CABP5: variants seen among roughly 807,000 people sequenced by gnomAD.
CABP5 encodes the protein calcium binding protein 5, also known as calcium-binding protein 5.
In CABP5, 17 loss-of-function variants were observed where a neutral mutation model predicts 21.9. The observed-to-expected ratio is 0.78, with a 90% CI of 0.53 to 1.17. The LOEUF (loss-of-function observed/expected upper bound fraction) is 1.17, where lower values mean the gene tolerates loss of function less well. CABP5 is among the 50% of genes most tolerant of loss of function. The pLI is 0.00. For missense variants in CABP5, 229 were observed against 228.9 expected (o/e 1.00, Z 0.00); for synonymous variants, 85 against 79.4 (o/e 1.07, Z -0.37).
intron 4 of CABP5, among the ~76,000 whole-genome samples, chr19:48,038,305 C>G (rs1287297373): frequency 6.6e-6 from 1 of 152,118 alleles, no homozygotes; most frequent in Non-Finnish European, 1.5e-5. Context: ...TTGCCTGGTT[C>G]CAAATCCTTT....
chr19:48,036,523 G>A (rs1967410442), intron 4 of CABP5, among the ~76,000 whole-genome samples: 1 of 152,212 alleles, frequency 6.6e-6, no homozygotes, highest in African/African-American at 2.4e-5. Context: ...GGAGGACAGG[G>A]AAATGGGGAG....
At chr19:48,036,170 C>A (rs1052832542) in intron 4 of CABP5, among the ~76,000 whole-genome samples, 2 of 152,004 alleles carry the variant, frequency 1.3e-5, no homozygotes, top group Non-Finnish European at 2.9e-5. Context: ...GCTTTGGAGG[C>A]AGTTCATTAA....
At chr19:48,037,229 G>A (rs1271741367) in intron 4 of CABP5, among the ~76,000 whole-genome samples, 3 of 134,928 alleles carry the variant, frequency 2.2e-5, no homozygotes, top group African/African-American at 7.9e-5. Context: ...AAGAAAACAT[G>A]GCATAAGTAC....
At chr19:48,030,730 A>T in intron 5 of CABP5, 148 bp from the exon 6 acceptor site, 1 of 773,112 alleles carries the variant, frequency 1.3e-6, no homozygotes, top group Non-Finnish European at 2.2e-6. Flanking sequence ...TCCATCTATG[A>T]AATGGGAATC....
At chr19:48,031,425 A>G (rs1967338593) in intron 5 of CABP5, among the ~76,000 whole-genome samples, 1 of 152,144 alleles carries the variant, frequency 6.6e-6, no homozygotes, top group Non-Finnish European at 1.5e-5. Context: ...CTGTAATCCC[A>G]GCTACTCCAC....
chr19:48,038,834 A>T (rs2015341), intron 4 of CABP5, among the ~76,000 whole-genome samples: 15,026 of 152,140 alleles, frequency 0.099, 780 homozygotes, highest in South Asian at 0.13. Context: ...CTCAAAAAAA[A>T]AAAGTCCTAA....
chr19:48,037,386 A>G (rs1157209022), intron 4 of CABP5, among the ~76,000 whole-genome samples: 1 of 144,146 alleles, frequency 6.9e-6, no homozygotes, highest in African/African-American at 2.6e-5. Flanking sequence ...CTTCTGCCTC[A>G]GCCTCCTGAG....
chr19:48,031,638 C>T lies in CABP5; in HGVS notation c.497-1056G>A, dbSNP rs114219871. On this transcript the variant is annotated intron_variant, in intron 5 of 5. Transcript: ENST00000293255. ...GTCACTTTACAGATAAGGAAACTTA[C>T]GCCAGCGAGGGTCACCAACATACCT... 3.6e-3 allele frequency among the ~76,000 whole-genome samples: 545 copies of T among 152,246 alleles called. 3 individuals carry two copies. The highest frequency in any genetic ancestry group is 0.012 in the African/African-American group (495 of 41,538).
chr19:48,030,120 T>C lies in CABP5; in HGVS notation c.*437A>G, dbSNP rs1967320377. 1 of 166,292 alleles carries C rather than the reference T, an allele frequency of 6.0e-6. No homozygotes were observed. Among genetic ancestry groups the C allele is most frequent in the South Asian group, 2.0e-4 (1 of 5,070 alleles). 10.3% of individuals were successfully genotyped at this position (166,292 alleles called of 1,614,324 possible). A position where few individuals can be genotyped will look rare whatever the true frequency, so the allele number is the denominator to read the frequency against. On this transcript the variant is annotated 3_prime_UTR_variant, in exon 6 of 6. Coordinates refer to ENST00000293255, the MANE Select transcript of CABP5 (RefSeq NM_019855.5). ...CTTACCGGGAGAGAGAAACGGGATT[T>C]GCAACAGTTGATGCAGGCAGGGGAA...
chr19:48,037,210 G>A lies in CABP5; in HGVS notation c.348+1998C>T, dbSNP rs548179626. ...GCAACCTGTGTCCATCAAAACAGAA[G>A]AGTGGATAAAGAAAACATGGCATAA... On this transcript the variant is annotated intron_variant, in intron 4 of 5. Coordinates refer to ENST00000293255, the MANE Select transcript of CABP5 (RefSeq NM_019855.5). Among the ~76,000 whole-genome samples the A allele has an allele frequency of 4.7e-4, 66 of 139,078 alleles. 1 individual carries two copies. The highest frequency in any genetic ancestry group is 1.6e-3 in the African/African-American group (62 of 38,470). The allele number at this position is 139,078 out of a possible 152,430, so 91.2% of individuals were successfully genotyped here.
intron 4 of CABP5, among the ~76,000 whole-genome samples, chr19:48,035,579 A>G (rs940060369): frequency 3.3e-5 from 5 of 152,250 alleles, no homozygotes; most frequent in African/African-American, 1.2e-4. Flanking sequence ...CCTGGGCAAC[A>G]AGAGCAAAAC....
chr19:48,034,396 T>C (rs1474791369), intron 4 of CABP5, 34 bp from the exon 5 acceptor site: 2 of 1,432,418 alleles, frequency 1.4e-6, no homozygotes. Context: ...ATATCAGCAA[T>C]GACAATGATG....
At position 48,031,977 on chromosome 19, in the gene CABP5, C is replaced by A. The variant is rs11879057; in HGVS notation, c.497-1395G>T. Among the ~76,000 whole-genome samples the A allele has an allele frequency of 2.7e-5, 4 of 150,706 alleles. No individual in the cohort carries two copies. The South Asian group carries it at 8.5e-4, about 32-fold the overall frequency. ...TCCTCCTCTCTATCTAGGATGGAGG[C>A]CTTGGAAGCTAATACAACTCAACAC... On this transcript the variant is annotated intron_variant, in intron 5 of 5. Transcript: ENST00000293255.
Position 48,041,607 on chromosome 19 carries a change from G to T in CABP5, c.64-4C>A. On this transcript the variant is annotated splice_region_variant and splice_polypyrimidine_tract_variant and intron_variant, in intron 1 of 5. Coordinates refer to ENST00000293255, the MANE Select transcript of CABP5 (RefSeq NM_019855.5). ...CATCTTGTCCCAGTGGTCTTTCCTG[G>T]AAAGGAATGCAGATGAGAGGGAATT... The T allele has an allele frequency of 1.2e-6, 2 of 1,610,612 alleles. No individual in the cohort carries two copies. The highest frequency in any genetic ancestry group is 1.7e-6 in the Non-Finnish European group (2 of 1,178,940).
chr19:48,031,222 C>T lies in CABP5; in HGVS notation c.497-640G>A, dbSNP rs115556805. On this transcript the variant is annotated intron_variant, in intron 5 of 5. Coordinates refer to ENST00000293255, the MANE Select transcript of CABP5 (RefSeq NM_019855.5). ...AAGACCATTAATGGCATAATGCTCA[C>T]AAAACAGATTAAGTATCCCATAAAC... Among the ~76,000 whole-genome samples, 608 of 152,148 alleles carry T rather than the reference C, an allele frequency of 4.0e-3. 4 individuals carry two copies. Among genetic ancestry groups the T allele is most frequent in the African/African-American group, 0.014 (590 of 41,506 alleles).
chr19:48,030,408 C>T lies in CABP5; in HGVS notation c.*149G>A, dbSNP rs1481624669. 4 of 703,292 alleles carry T rather than the reference C, an allele frequency of 5.7e-6. No individual in the cohort carries two copies. The highest frequency in any genetic ancestry group is 5.5e-5 in the African/African-American group (3 of 54,676). 43.6% of individuals were successfully genotyped at this position (703,292 alleles called of 1,614,324 possible). A position where few individuals can be genotyped will look rare whatever the true frequency, so the allele number is the denominator to read the frequency against. On this transcript the variant is annotated 3_prime_UTR_variant, in exon 6 of 6. Transcript: ENST00000293255. The stretch of plus-strand genomic sequence containing the variant: ...CAAAGATACCGCTCTGGGTCTCACC[C>T]CATGCACAGCGCCGCATGCCAATGC...
intron 5 of CABP5, among the ~76,000 whole-genome samples, chr19:48,032,516 G>T (rs1450001921): frequency 6.6e-6 from 1 of 151,838 alleles, no homozygotes; most frequent in Non-Finnish European, 1.5e-5. Context: ...TTTCAGTAGA[G>T]ATGGGTTTCA....
intron 3 of CABP5, 100 bp from the exon 4 acceptor site, chr19:48,039,417 G>T: frequency 1.2e-6 from 1 of 863,290 alleles, no homozygotes. Flanking sequence ...CCTTCTCCCT[G>T]CCCTATAAGA....
At chr19:48,035,120 C>A (rs1382434944) in intron 4 of CABP5, among the ~76,000 whole-genome samples, 1 of 152,206 alleles carries the variant, frequency 6.6e-6, no homozygotes, top group Non-Finnish European at 1.5e-5. Context: ...ACTGTCCATT[C>A]CTTCTCTGTG....
Sources: gnomAD v4.1 joint callset for allele counts (sites outside exome capture counted in the v4.1 genomes callset) on GRCh38, gnomAD v4.1.1 for gene constraint, MANE v1.5 for transcripts, NCBI Gene and HGNC (gene_info 2026-07-23, HGNC 2026-07-21) for gene names.